PCDH15: variants seen among roughly 807,000 people sequenced by gnomAD.
The protein encoded by PCDH15 is protocadherin-15.
Under a neutral mutation model 178.5 loss-of-function variants are expected in PCDH15, and 129 were observed. The observed-to-expected ratio is 0.72, with a 90% confidence interval of 0.63 to 0.84. The LOEUF is 0.84. PCDH15 is among the 40% of genes least tolerant of loss of function. PCDH15 has a pLI of 0.00. For synonymous variants in PCDH15, 800 were observed against 732.0 expected, an observed-to-expected ratio of 1.09 and a Z score of -1.50; for missense variants, 2,230 against 2,099.9, an observed-to-expected ratio of 1.06 and a Z score of -1.21.
intron 2 of PCDH15, among the ~76,000 whole-genome samples, chr10:55,060,523 T>C (rs1841403758): frequency 6.6e-6 from 1 of 151,996 alleles, no homozygotes; most frequent in Admixed American, 6.6e-5. Context: ...AAGTATTATG[T>C]ATAATTAATT....
In PCDH15 at chr10:53,828,591, A is replaced by G. The variant is rs1362882961; in HGVS notation, c.4203-18T>C. The G allele has an allele frequency of 1.3e-6, 2 of 1,538,680 alleles. No homozygotes were observed. Among genetic ancestry groups the G allele is most frequent in the African/African-American group, 1.4e-5 (1 of 73,376 alleles). ...CTTTAAACCTGTTTGGGAAAGCAAGAGTAAGAAAAATAGAAAGCTACATTA... is the reference window on the plus strand; with the variant it reads ...CTTTAAACCTGTTTGGGAAAGCAAGGGTAAGAAAAATAGAAAGCTACATTA... On this transcript the variant is annotated intron_variant, in intron 30 of 37. Transcript: ENST00000644397.
chr10:54,097,817 C>G (rs1393633347), intron 15 of PCDH15, among the ~76,000 whole-genome samples: 1 of 152,114 alleles, frequency 6.6e-6, no homozygotes, highest in East Asian at 1.9e-4. Flanking sequence ...CTCCCTGCTC[C>G]TGTTTTCACT....
chr10:54,532,253 G>T (rs555546615), intron 2 of PCDH15, among the ~76,000 whole-genome samples: 1 of 151,934 alleles, frequency 6.6e-6, no homozygotes, highest in Admixed American at 6.6e-5. Context: ...AAATATTTTG[G>T]CCATCTACAA....
At chr10:54,821,471 AAAC>A (rs1953038273) in intron 3 of PCDH15, among the ~76,000 whole-genome samples, 1 of 152,114 alleles carries the variant, frequency 6.6e-6, no homozygotes, top group South Asian at 2.1e-4. Context: ...TAAAATAAGA[AAAC>A]AAATCATGAC....
chr10:53,899,146 G>GT (rs1554850749), intron 26 of PCDH15, among the ~76,000 whole-genome samples: 6 of 149,654 alleles, frequency 4.0e-5, no homozygotes, highest in Non-Finnish European at 5.9e-5. Flanking sequence ...TTTTTTCGGG[G>GT]GGGGGTGGTC....
chr10:53,913,836 A>G (rs187057568), intron 25 of PCDH15, among the ~76,000 whole-genome samples: 1 of 152,332 alleles, frequency 6.6e-6, no homozygotes, highest in Admixed American at 6.5e-5. Context: ...AACCTACAGA[A>G]TGGGAGAAAA....
At chr10:55,213,812 T>C (rs1303600918) in intron 1 of PCDH15, among the ~76,000 whole-genome samples, 3 of 151,892 alleles carry the variant, frequency 2.0e-5, no homozygotes, top group Non-Finnish European at 4.4e-5. Flanking sequence ...ACTATCACTT[T>C]CTTCTTTCTT....
chr10:54,177,415 C>T (rs998794040), intron 13 of PCDH15, among the ~76,000 whole-genome samples: 6 of 151,890 alleles, frequency 4.0e-5, no homozygotes, highest in Admixed American at 3.9e-4. Context: ...CTAATGCAAA[C>T]TACAGACTTT....
chr10:54,869,911 A>G (rs1954006038), intron 3 of PCDH15, among the ~76,000 whole-genome samples: 1 of 152,184 alleles, frequency 6.6e-6, no homozygotes, highest in African/African-American at 2.4e-5. Flanking sequence ...CTAGATGTCT[A>G]CAATTCCCTA....
chr10:54,116,581 T>C (rs2095117077), intron 15 of PCDH15, among the ~76,000 whole-genome samples: 1 of 152,174 alleles, frequency 6.6e-6, no homozygotes, highest in Admixed American at 6.5e-5. Context: ...AGAGTAGACA[T>C]ACATGGAATC....
rs10825379 is a variant in PCDH15 at position 54,710,127 on chromosome 10, G to T, written c.-28-45837C>A. ...TGTAGCAATTCACAATGCTACTGAC[G>T]TGATCCTACCAAGCAAACGTTTGAG... On this transcript the variant is annotated intron_variant, in intron 1 of 37. Transcript: ENST00000644397. Among the ~76,000 whole-genome samples the T allele has an allele frequency of 1.1e-4, 17 of 151,738 alleles. No homozygotes were observed. The East Asian group carries it at 3.1e-3, about 28-fold the overall frequency.
intron 26 of PCDH15, among the ~76,000 whole-genome samples, chr10:53,871,482 A>G (rs201853377): frequency 0.04 from 2,304 of 58,146 alleles, 47 homozygotes; most frequent in East Asian, 0.33. Flanking sequence ...GTGTGTGTGT[A>G]TATACACAAA....
chr10:55,026,847 A>T (rs916161464), intron 2 of PCDH15, among the ~76,000 whole-genome samples: 20 of 152,116 alleles, frequency 1.3e-4, no homozygotes, highest in South Asian at 6.2e-4. Context: ...AGTTGGACTT[A>T]AGGGAATGAA....
chr10:55,325,005 A>G (rs2132303620), intron 2 of PCDH15, among the ~76,000 whole-genome samples: 1 of 152,286 alleles, frequency 6.6e-6, no homozygotes, highest in South Asian at 2.1e-4. Context: ...ATAGGAATAC[A>G]GCTAATCAGA....
rs143059649 is a variant in PCDH15 at position 54,090,417 on chromosome 10, C to T, written c.1918-354G>A. ...TAGCACTTTGGGAGGCCAAGGTGGGCGGATTACCTGAGATCAGGAGTTCAA... is the reference window on the plus strand; with the variant it reads ...TAGCACTTTGGGAGGCCAAGGTGGGTGGATTACCTGAGATCAGGAGTTCAA... On this transcript the variant is annotated intron_variant, in intron 15 of 37. Transcript: ENST00000644397. Among the ~76,000 whole-genome samples the T allele has an allele frequency of 9.9e-3, 1,509 of 152,114 alleles. 24 individuals are homozygous for T. The highest frequency in any genetic ancestry group is 0.028 in the East Asian group (147 of 5,162).
chr10:53,853,615 G>C (rs1159658834), intron 28 of PCDH15, among the ~76,000 whole-genome samples: 1 of 151,964 alleles, frequency 6.6e-6, no homozygotes, highest in Non-Finnish European at 1.5e-5. Flanking sequence ...CAAAGGACTT[G>C]AATAGACATG....
At chr10:54,320,876 T>C (rs1052599984) in intron 7 of PCDH15, among the ~76,000 whole-genome samples, 3 of 151,854 alleles carry the variant, frequency 2.0e-5, no homozygotes, top group African/African-American at 7.2e-5. Flanking sequence ...TAGGTTATAT[T>C]TTCACATATA....
chr10:54,543,106 C>T (rs558819481), intron 2 of PCDH15, among the ~76,000 whole-genome samples: 10 of 151,410 alleles, frequency 6.6e-5, no homozygotes, highest in Non-Finnish European at 1.2e-4. Context: ...AGAGCCGTGG[C>T]CCCCCAAAAC....
At chr10:54,671,552 T>C (rs1223286131) in intron 1 of PCDH15, among the ~76,000 whole-genome samples, 2 of 152,152 alleles carry the variant, frequency 1.3e-5, no homozygotes, top group African/African-American at 4.8e-5. Flanking sequence ...TGAGAATCAG[T>C]TTAAAATTAG....
Sources: allele counts gnomAD v4.1 joint callset (sites outside exome capture counted in the v4.1 genomes callset), GRCh38; gene constraint gnomAD v4.1.1; transcripts MANE v1.5; gene names NCBI Gene and HGNC (gene_info 2026-07-23, HGNC 2026-07-21).